CDC25A: variants seen among roughly 807,000 people sequenced by gnomAD.
CDC25A encodes M-phase inducer phosphatase 1.
Under a neutral mutation model 64.6 loss-of-function variants are expected in CDC25A, and 17 were observed. The ratio of observed to expected loss-of-function variants is 0.26; its 90% CI spans 0.18 to 0.39. The LOEUF (loss-of-function observed/expected upper bound fraction) is 0.39, where lower values mean the gene tolerates loss of function less well. Ranked by LOEUF, CDC25A falls within the 10% of genes least tolerant of loss-of-function variation. The probability of loss-of-function intolerance (pLI) is 1.00; values close to 1 mark genes in which losing one functional copy is unlikely to be tolerated. For missense variants in CDC25A, 473 were observed against 654.8 expected (o/e 0.72, Z 3.03); for synonymous variants, 229 against 238.6 (o/e 0.96, Z 0.37).
chr3:48,163,821 G>A (rs1231319877), intron 13 of CDC25A, among the ~76,000 whole-genome samples: 5 of 152,026 alleles, frequency 3.3e-5, no homozygotes, highest in South Asian at 2.1e-4. Flanking sequence ...GGTCCTGCTC[G>A]CTGTGGTATT....
chr3:48,180,014 T>C (rs1366239299), intron 6 of CDC25A, among the ~76,000 whole-genome samples: 2 of 152,186 alleles, frequency 1.3e-5, no homozygotes, highest in Admixed American at 6.5e-5. Flanking sequence ...AGTCCCTGTC[T>C]GGCAAATACA....
chr3:48,181,533 C>G, intron 5 of CDC25A: 1 of 1,446,710 alleles, frequency 6.9e-7, no homozygotes, highest in East Asian at 2.3e-5. Flanking sequence ...GCGGTCGGCA[C>G]TGAGGCTGCA....
intron 9 of CDC25A, among the ~76,000 whole-genome samples, chr3:48,172,990 C>A (rs552447773): frequency 1.3e-5 from 2 of 152,056 alleles, no homozygotes; most frequent in Non-Finnish European, 2.9e-5. Flanking sequence ...GAGGCTGAGG[C>A]GGGCGGATCA....
intron 7 of CDC25A, among the ~76,000 whole-genome samples, 163 bp downstream of exon 7, chr3:48,177,691 G>T (rs1288873964): frequency 6.6e-6 from 1 of 152,044 alleles, no homozygotes; most frequent in Non-Finnish European, 1.5e-5. Flanking sequence ...ATTTAATAAG[G>T]CTGGTAGCCC....
chr3:48,187,188 G>A (rs1453663926), intron 1 of CDC25A, among the ~76,000 whole-genome samples: 2 of 152,166 alleles, frequency 1.3e-5, no homozygotes, highest in Admixed American at 1.3e-4. Flanking sequence ...GCTCTTCCGC[G>A]GGAAACACCG....
rs576092333 is a variant in CDC25A, at chr3:48,171,546, A to AT, written c.930+2737dup. Among the ~76,000 whole-genome samples the AT allele has an allele frequency of 1.5e-3, 221 of 151,112 alleles. 1 individual carries two copies. Among genetic ancestry groups the AT allele is most frequent in the African/African-American group, 5.1e-3 (211 of 41,226 alleles). ...CAGGCTCATACCACCACACCCAGCTATTTTTTGTATTTTCAGTAGAGACAG... is the reference window on the plus strand; with the variant it reads ...CAGGCTCATACCACCACACCCAGCTATTTTTTTGTATTTTCAGTAGAGACAG... On this transcript the variant is annotated intron_variant, in intron 9 of 14. Coordinates refer to ENST00000302506, the MANE Select transcript of CDC25A (RefSeq NM_001789.3).
In CDC25A at chr3:48,187,833, G is replaced by T. The variant is rs754974662; in HGVS notation, c.115C>A (p.Leu39Met). The T allele has an allele frequency of 1.9e-6, 3 of 1,548,772 alleles. No individual in the cohort carries two copies. Among genetic ancestry groups the T allele is most frequent in the African/African-American group, 2.8e-5 (2 of 72,490 alleles). Residue 39 changes from leucine to methionine, a missense_variant, in exon 1 of 15, where the codon CTG (leucine) becomes ATG (methionine). Physicochemically the swap from Leu to Met is conservative, Grantham distance 15. Coordinates refer to ENST00000302506, the MANE Select transcript of CDC25A (RefSeq NM_001789.3). ...ALFGASAAGG[L>M]SPVTNLTVTM... ...ACGGTCAGGTTGGTGACAGGCGACA[G>T]TCCCCCGGCGGCTGAAGCGCCAAAT... is the stretch of plus-strand genomic sequence containing the variant.
chr3:48,186,759 TC>T lies in CDC25A; in HGVS notation c.190del (p.Glu64ArgfsTer2). ...CTGCAGATTACTGTTGTTCTTCACC[TC>T]CAGTGGTTGCTCATAATCACTGAAA... ...GLGSDYEQPL[E>X]VKNNSNLQRM... On this transcript the variant is annotated frameshift_variant, in exon 2 of 15. Transcript: ENST00000302506. LOFTEE classifies it high-confidence loss of function. The T allele has an allele frequency of 6.3e-7, 1 of 1,598,562 alleles. No homozygotes were observed. The highest frequency in any genetic ancestry group is 1.1e-5 in the South Asian group (1 of 89,362).
chr3:48,179,688 TC>T (rs1352841174), intron 6 of CDC25A, among the ~76,000 whole-genome samples: 2 of 152,182 alleles, frequency 1.3e-5, no homozygotes, highest in African/African-American at 4.8e-5. Flanking sequence ...AATCCTGGTT[TC>T]CTACTTATGT....
rs2031599836 is a variant in CDC25A, at chr3:48,158,197, T to G, written c.*748A>C. 6.6e-6 allele frequency: 1 copy of G among 152,562 alleles called. No homozygotes were observed. The highest frequency in any genetic ancestry group is 2.4e-5 in the African/African-American group (1 of 41,402). 9.5% of individuals were successfully genotyped at this position (152,562 alleles called of 1,614,324 possible). The stretch of plus-strand genomic sequence containing the variant: ...GTAGCCAGTGGTGGGTCTGGGAGAT[T>G]TAGCTTATGTCAGGCAGCCAAGCCT... On this transcript the variant is annotated 3_prime_UTR_variant, in exon 15 of 15. Transcript: ENST00000302506.
At chr3:48,182,690 C>T (rs2032709838) in intron 5 of CDC25A, among the ~76,000 whole-genome samples, 1 of 152,202 alleles carries the variant, frequency 6.6e-6, no homozygotes, top group Non-Finnish European at 1.5e-5. Flanking sequence ...CTTATTGCCA[C>T]AACATCCCTA....
chr3:48,166,992 T>A (rs902112375), intron 10 of CDC25A, among the ~76,000 whole-genome samples: 1 of 152,178 alleles, frequency 6.6e-6, no homozygotes, highest in African/African-American at 2.4e-5. Flanking sequence ...CTCCGTTCCT[T>A]CAAAACCCAT....
intron 5 of CDC25A, chr3:48,181,829 T>G (rs1157865115): frequency 1.7e-6 from 1 of 604,870 alleles, no homozygotes; most frequent in East Asian, 2.8e-5. Flanking sequence ...AATATTACAG[T>G]GATTTCTATG....
At chr3:48,172,886 C>CTAT (rs2032319520) in intron 9 of CDC25A, among the ~76,000 whole-genome samples, 1 of 151,272 alleles carries the variant, frequency 6.6e-6, no homozygotes, top group South Asian at 2.1e-4. Flanking sequence ...ACAAAACAGC[C>CTAT]TATACAACTA....
chr3:48,183,784 C>A lies in CDC25A; in HGVS notation c.327+16G>T, dbSNP rs376763724. On this transcript the variant is annotated intron_variant, in intron 4 of 14. Transcript: ENST00000302506. ...ATAACAGGTATTAGCTCAAAATAAA[C>A]AAGGAACTAACTTACAGGTAGGGAA... 7 of 1,541,020 alleles carry A rather than the reference C, an allele frequency of 4.5e-6. No individual in the cohort carries two copies. The highest frequency in any genetic ancestry group is 5.4e-6 in the Non-Finnish European group (6 of 1,114,800).
intron 9 of CDC25A, among the ~76,000 whole-genome samples, chr3:48,173,209 CAA>C (rs35936117): frequency 1.8e-4 from 10 of 54,484 alleles, no homozygotes; most frequent in Admixed American, 2.1e-4. Context: ...CAGAGCGTCT[CAA>C]AAAAAAAAAA....
At chr3:48,160,006 C>T (rs1270887736) in intron 13 of CDC25A, among the ~76,000 whole-genome samples, 2 of 152,142 alleles carry the variant, frequency 1.3e-5, no homozygotes, top group Non-Finnish European at 2.9e-5. Context: ...GCTCTACAGG[C>T]CCCTACTGCT....
intron 13 of CDC25A, among the ~76,000 whole-genome samples, chr3:48,162,424 T>G (rs556169710): frequency 6.6e-6 from 1 of 152,098 alleles, no homozygotes; most frequent in Non-Finnish European, 1.5e-5. Context: ...AGAGGTGTGG[T>G]CCCACTGTGT....
chr3:48,160,631 G>A (rs189963151), intron 13 of CDC25A, among the ~76,000 whole-genome samples: 1 of 152,148 alleles, frequency 6.6e-6, no homozygotes, highest in African/African-American at 2.4e-5. Context: ...GGCTGGTCTC[G>A]ATCTCCTGTC....
Sources: allele counts gnomAD v4.1 joint callset (sites outside exome capture counted in the v4.1 genomes callset), GRCh38; gene constraint gnomAD v4.1.1; transcripts MANE v1.5; gene names NCBI Gene and HGNC (gene_info 2026-07-23, HGNC 2026-07-21).